PGBD5: variants seen among roughly 807,000 people sequenced by gnomAD.
The protein encoded by PGBD5 is piggyBac transposable element-derived protein 5.
A neutral mutation model predicts 47.9 loss-of-function variants in PGBD5; 14 were observed. That is an observed-to-expected ratio of 0.29 (90% CI 0.19 to 0.46). The LOEUF (loss-of-function observed/expected upper bound fraction) is 0.46. Ranked by LOEUF, PGBD5 falls within the 20% of genes least tolerant of loss-of-function variation. The pLI is 1.00. For synonymous variants in PGBD5, 316 were observed against 306.3 expected, an observed-to-expected ratio of 1.03 and a Z score of -0.33; for missense variants, 635 against 716.0, an observed-to-expected ratio of 0.89 and a Z score of 1.29.
In PGBD5 at chr1:230,323,852, T is replaced by A. The variant is rs1481314967; in HGVS notation, c.1380-232A>T. On this transcript the variant is annotated intron_variant, in intron 6 of 6. Coordinates refer to ENST00000391860, the MANE Select transcript of PGBD5 (RefSeq NM_001258311.2). This position sits in a 1 kb window ranked among gnomAD's most constrained non-coding sequence, Gnocchi z 4.1. ...AAGGAAATGAAAACAACAAGGTTGC[T>A]GGAGTAGACCCTGAAAGCCAGGTGC... Among the ~76,000 whole-genome samples the A allele has an allele frequency of 1.3e-5, 2 of 152,238 alleles. No homozygotes were observed. Among genetic ancestry groups the A allele is most frequent in the African/African-American group, 4.8e-5 (2 of 41,468 alleles).
At chr1:230,392,240 T>C (rs896581742) in intron 1 of PGBD5, among the ~76,000 whole-genome samples, 1 of 152,146 alleles carries the variant, frequency 6.6e-6, no homozygotes, top group Non-Finnish European at 1.5e-5. Flanking sequence ...ATGGGGAAAG[T>C]CACGGGTCCT....
intron 1 of PGBD5, among the ~76,000 whole-genome samples, chr1:230,424,714 G>A (rs1657733680): frequency 6.6e-6 from 1 of 152,256 alleles, no homozygotes; most frequent in South Asian, 2.1e-4. Context: ...GCACGGGCCT[G>A]CTACAGAAGG....
At chr1:230,340,373 C>T (rs1667390996) in intron 3 of PGBD5, among the ~76,000 whole-genome samples, 1 of 151,962 alleles carries the variant, frequency 6.6e-6, no homozygotes, top group African/African-American at 2.4e-5. Context: ...AAAAAATCAT[C>T]ATGTAGAAAA....
intron 3 of PGBD5, among the ~76,000 whole-genome samples, chr1:230,350,041 G>A (rs564789835): frequency 6.6e-6 from 1 of 152,334 alleles, no homozygotes; most frequent in Admixed American, 6.5e-5. Flanking sequence ...ATGTTCGGCA[G>A]AATCTTCCTA....
At chr1:230,404,226 C>T (rs1336481398) in intron 1 of PGBD5, among the ~76,000 whole-genome samples, 1 of 152,148 alleles carries the variant, frequency 6.6e-6, no homozygotes, top group Non-Finnish European at 1.5e-5. Flanking sequence ...AAAACATGCA[C>T]ACCAGCTACT....
In PGBD5 at chr1:230,323,164, T is replaced by C. The variant is rs1571820001; in HGVS notation, c.*261A>G. ...GCTCCACGGATGTCATGAGAGAATC[T>C]GCCCTTGAGAACGTGGGTGTAAGTG... On this transcript the variant is annotated 3_prime_UTR_variant, in exon 7 of 7. Transcript: ENST00000391860. The surrounding 1 kb of genome is among the most constrained non-coding windows in gnomAD (Gnocchi z 4.1). 1 of 472,856 alleles carries C rather than the reference T, an allele frequency of 2.1e-6. No individual in the cohort carries two copies. Among genetic ancestry groups the C allele is most frequent in the East Asian group, 3.6e-5 (1 of 27,508 alleles). The allele number at this position is 472,856 out of a possible 1,614,324, so 29.3% of individuals were successfully genotyped here.
intron 1 of PGBD5, among the ~76,000 whole-genome samples, chr1:230,382,144 G>C (rs977302115): frequency 3.9e-5 from 6 of 152,144 alleles, no homozygotes; most frequent in African/African-American, 1.4e-4. Context: ...CAGTTCCTAG[G>C]CCAGCAGGAG....
chr1:230,389,060 AC>A (rs2102731260), intron 1 of PGBD5, among the ~76,000 whole-genome samples: 1 of 152,316 alleles, frequency 6.6e-6, no homozygotes, highest in Non-Finnish European at 1.5e-5. Flanking sequence ...CTGCAAGGAG[AC>A]AAGGTATGTG....
In PGBD5 at chr1:230,426,222, GCGC is replaced by G. The variant is rs1238385909; in HGVS notation, c.-297_-295del. On this transcript the variant is annotated 5_prime_UTR_variant, in exon 1 of 7. Transcript: ENST00000391860. The stretch of plus-strand genomic sequence containing the variant: ...ACGCAGAGGCTGCGGCCGAGACCAG[GCGC>G]CGCCGCCGCCACCGCCGCCACCACC... 1.3e-5 allele frequency: 2 copies of G among 149,458 alleles called. No individual in the cohort carries two copies. Among genetic ancestry groups the G allele is most frequent in the Non-Finnish European group, 2.9e-5 (2 of 68,266 alleles). 9.3% of individuals were successfully genotyped at this position (149,458 alleles called of 1,614,324 possible). A position where few individuals can be genotyped will look rare whatever the true frequency, so the allele number is the denominator to read the frequency against.
At chr1:230,416,904 G>A (rs1171380314) in intron 1 of PGBD5, among the ~76,000 whole-genome samples, 2 of 152,226 alleles carry the variant, frequency 1.3e-5, no homozygotes, top group African/African-American at 4.8e-5. Context: ...CAAAGGTGGA[G>A]GCTGAGAATC....
chr1:230,382,609 G>A (rs116074132), intron 1 of PGBD5, among the ~76,000 whole-genome samples: 2,155 of 152,332 alleles, frequency 0.014, 49 homozygotes, highest in African/African-American at 0.049. Context: ...TTTCAGCTCT[G>A]AAACCAGGGC....
rs1289384805 is a variant in PGBD5 at position 230,320,635 on chromosome 1, C to T, written c.*2790G>A. 3.9e-5 allele frequency: 6 copies of T among 152,180 alleles called. No individual in the cohort carries two copies. The highest frequency in any genetic ancestry group is 1.4e-4 in the African/African-American group (6 of 41,400). 9.4% of individuals were successfully genotyped at this position (152,180 alleles called of 1,614,324 possible). A position where few individuals can be genotyped will look rare whatever the true frequency, so the allele number is the denominator to read the frequency against. Reference sequence around the variant, plus strand: ...CTCTGTCATAAGACCACTTACGATGCTCTTTCCTCATCCCCAGGGATGGCC... The same window carrying T: ...CTCTGTCATAAGACCACTTACGATGTTCTTTCCTCATCCCCAGGGATGGCC... On this transcript the variant is annotated 3_prime_UTR_variant, in exon 7 of 7. Coordinates refer to ENST00000391860, the MANE Select transcript of PGBD5 (RefSeq NM_001258311.2).
At chr1:230,348,136 A>T (rs999834464) in intron 3 of PGBD5, among the ~76,000 whole-genome samples, 2 of 152,246 alleles carry the variant, frequency 1.3e-5, no homozygotes, top group Admixed American at 6.5e-5. Context: ...TAAGTCATTC[A>T]GGAGAGCTCA....
chr1:230,337,587 C>G (rs1316987715), intron 3 of PGBD5, among the ~76,000 whole-genome samples: 2 of 152,194 alleles, frequency 1.3e-5, no homozygotes, highest in Admixed American at 6.5e-5. Context: ...CTTTCAAACA[C>G]AGGAATGATT....
chr1:230,422,695 G>T (rs1343011197), intron 1 of PGBD5, among the ~76,000 whole-genome samples: 1 of 152,172 alleles, frequency 6.6e-6, no homozygotes, highest in Non-Finnish European at 1.5e-5. Context: ...ACTACTGGCC[G>T]CACTTCCGGA....
intron 3 of PGBD5, among the ~76,000 whole-genome samples, chr1:230,339,769 A>T (rs1357282345): frequency 5.3e-5 from 8 of 152,232 alleles, no homozygotes; most frequent in Admixed American, 5.2e-4. Context: ...GAAACACTGT[A>T]TGATCCCACT....
At chr1:230,411,989 T>C (rs1200888334) in intron 1 of PGBD5, among the ~76,000 whole-genome samples, 1 of 152,270 alleles carries the variant, frequency 6.6e-6, no homozygotes, top group African/African-American at 2.4e-5. Context: ...TGTTAAACAA[T>C]GAACTCTCCC....
intron 3 of PGBD5, among the ~76,000 whole-genome samples, chr1:230,348,014 C>T (rs112723882): frequency 3.3e-4 from 51 of 152,298 alleles, no homozygotes; most frequent in African/African-American, 1.2e-3. Flanking sequence ...ATCCTACGGG[C>T]CAAAGCCAGC....
In PGBD5 at chr1:230,318,972, T is replaced by C. The variant is rs1378449738; in HGVS notation, c.*4453A>G. The C allele has an allele frequency of 6.6e-6, 1 of 152,228 alleles. No individual in the cohort carries two copies. Among genetic ancestry groups the C allele is most frequent in the Admixed American group, 6.5e-5 (1 of 15,284 alleles). 9.4% of individuals were successfully genotyped at this position (152,228 alleles called of 1,614,324 possible). A position where few individuals can be genotyped will look rare whatever the true frequency, so the allele number is the denominator to read the frequency against. On this transcript the variant is annotated 3_prime_UTR_variant, in exon 7 of 7. Coordinates refer to ENST00000391860, the MANE Select transcript of PGBD5 (RefSeq NM_001258311.2). ...GAGGGTGATGTCCCGGATCTCATAATGATTGTTTTCAGTATTCGGATCAGC... is the reference window on the plus strand; with the variant it reads ...GAGGGTGATGTCCCGGATCTCATAACGATTGTTTTCAGTATTCGGATCAGC...
Sources: gnomAD v4.1 joint callset for allele counts (sites outside exome capture counted in the v4.1 genomes callset) on GRCh38, gnomAD v4.1.1 for gene constraint, Gnocchi (gnomAD v3.1) non-coding constraint, MANE v1.5 for transcripts, NCBI Gene and HGNC (gene_info 2026-07-23, HGNC 2026-07-21) for gene names.